Variants in LRRC4C observed in about 807,000 individuals in gnomAD.
LRRC4C encodes the protein leucine-rich repeat-containing protein 4C.
In LRRC4C, 5 loss-of-function variants were observed where a neutral mutation model predicts 33.6. The ratio of observed to expected loss-of-function variants is 0.15; its 90% CI spans 0.08 to 0.31. The LOEUF is 0.31. LRRC4C is among the 10% of genes least tolerant of loss of function. The probability of loss-of-function intolerance (pLI) is 1.00; values close to 1 mark genes in which losing one functional copy is unlikely to be tolerated. For missense variants in LRRC4C, 560 were observed against 796.7 expected, an observed-to-expected ratio of 0.70 and a Z score of 3.58; for synonymous variants, 329 against 302.0, an observed-to-expected ratio of 1.09 and a Z score of -0.93.
intron 1 of LRRC4C, among the ~76,000 whole-genome samples, chr11:41,267,616 T>A (rs1412593651): frequency 2.0e-5 from 3 of 152,158 alleles, no homozygotes; most frequent in African/African-American, 7.2e-5. Flanking sequence ...AAAGTCTTCT[T>A]GAATAATTTT....
intron 1 of LRRC4C, among the ~76,000 whole-genome samples, chr11:41,194,991 C>G (rs771533316): frequency 3.3e-5 from 5 of 151,864 alleles, no homozygotes; most frequent in Non-Finnish European, 5.9e-5. Context: ...TTGCAGAGCC[C>G]ACCAAAGTGG....
chr11:40,839,743 A>T (rs1952831466), intron 2 of LRRC4C, among the ~76,000 whole-genome samples: 1 of 152,240 alleles, frequency 6.6e-6, no homozygotes, highest in African/African-American at 2.4e-5. Context: ...GTTAAACGCT[A>T]AGGCAGTGAC....
intron 2 of LRRC4C, among the ~76,000 whole-genome samples, chr11:40,686,121 G>T (rs1944940802): frequency 6.6e-6 from 1 of 152,006 alleles, no homozygotes; most frequent in South Asian, 2.1e-4. Flanking sequence ...AGACTTTGGG[G>T]TTTGAATTCC....
At chr11:40,641,226 T>G (rs1311741705) in intron 3 of LRRC4C, among the ~76,000 whole-genome samples, 1 of 152,082 alleles carries the variant, frequency 6.6e-6, no homozygotes, top group Non-Finnish European at 1.5e-5. Flanking sequence ...CGTTTTAAGT[T>G]TAGAGTTCTA....
At chr11:41,009,095 T>C (rs1854979380) in intron 1 of LRRC4C, among the ~76,000 whole-genome samples, 1 of 152,070 alleles carries the variant, frequency 6.6e-6, no homozygotes, top group Admixed American at 6.6e-5. Context: ...AGAGAAGAAT[T>C]CTTTTTAAAT....
chr11:40,628,485 C>CAAAACAAAA (rs1269313011), intron 3 of LRRC4C, among the ~76,000 whole-genome samples: 1 of 151,540 alleles, frequency 6.6e-6, no homozygotes, highest in Non-Finnish European at 1.5e-5. Flanking sequence ...CTCAAAAAAA[C>CAAAACAAAA]AAAACAAAAC....
chr11:40,558,714 A>G (rs1429845868), intron 3 of LRRC4C, among the ~76,000 whole-genome samples: 6 of 152,152 alleles, frequency 3.9e-5, no homozygotes, highest in Admixed American at 3.3e-4. Context: ...AAACTTTTAT[A>G]TTAGGTTTGG....
intron 1 of LRRC4C, among the ~76,000 whole-genome samples, chr11:41,067,860 G>A (rs1274981494): frequency 6.6e-6 from 1 of 152,092 alleles, no homozygotes; most frequent in East Asian, 1.9e-4. Flanking sequence ...AAACCAATGA[G>A]AACAGAGAGA....
intron 1 of LRRC4C, among the ~76,000 whole-genome samples, chr11:41,029,028 C>T (rs1461425466): frequency 6.6e-6 from 1 of 151,686 alleles, no homozygotes; most frequent in African/African-American, 2.4e-5. Flanking sequence ...ATGAAATACA[C>T]TGCCAGAAAT....
At chr11:41,232,747 GACACACAC>G (rs34632647) in intron 1 of LRRC4C, among the ~76,000 whole-genome samples, 5,696 of 143,610 alleles carry the variant, frequency 0.04, 148 homozygotes, top group African/African-American at 0.073. Flanking sequence ...GTGTTATCAA[GACACACAC>G]ACACACACAC....
At chr11:41,315,822 T>C (rs1950769835) in intron 1 of LRRC4C, among the ~76,000 whole-genome samples, 1 of 152,230 alleles carries the variant, frequency 6.6e-6, no homozygotes, top group African/African-American at 2.4e-5. Context: ...AGATAATATC[T>C]GTATACATAG....
chr11:41,303,917 G>A (rs1204315802), intron 1 of LRRC4C, among the ~76,000 whole-genome samples: 1 of 87,306 alleles, frequency 1.1e-5, no homozygotes, highest in Non-Finnish European at 2.5e-5. Context: ...GAAGTGAGGA[G>A]CCTCTCCGCC....
chr11:41,409,778 G>C (rs1457153093), intron 1 of LRRC4C, among the ~76,000 whole-genome samples: 1 of 152,132 alleles, frequency 6.6e-6, no homozygotes, highest in Non-Finnish European at 1.5e-5. Flanking sequence ...ACCTGTCAAT[G>C]AAAGCTGATT....
intron 4 of LRRC4C, among the ~76,000 whole-genome samples, chr11:40,302,736 A>G (rs1944834493): frequency 6.6e-6 from 1 of 152,192 alleles, no homozygotes; most frequent in Admixed American, 6.5e-5. Context: ...TGACTTAGCA[A>G]TGCTTTAGTA....
intron 4 of LRRC4C, among the ~76,000 whole-genome samples, chr11:40,264,125 T>C (rs1470422611): frequency 1.3e-5 from 2 of 152,176 alleles, no homozygotes; most frequent in East Asian, 3.9e-4. Flanking sequence ...GCTTGGCACA[T>C]AGTAAGTGCT....
At chr11:41,190,415 G>A (rs1945889752) in intron 1 of LRRC4C, among the ~76,000 whole-genome samples, 1 of 152,174 alleles carries the variant, frequency 6.6e-6, no homozygotes, top group Non-Finnish European at 1.5e-5. Context: ...AGCATTTGCA[G>A]GAAGAACACT....
At chr11:40,803,593 TTTAATTTTTAATTAA>T (rs1271164442) in intron 2 of LRRC4C, among the ~76,000 whole-genome samples, 2 of 152,174 alleles carry the variant, frequency 1.3e-5, no homozygotes, top group African/African-American at 4.8e-5. Context: ...TTTTTTAATA[TTTAATTTTTAATTAA>T]TTAATGAATT....
intron 3 of LRRC4C, among the ~76,000 whole-genome samples, chr11:40,347,450 G>A (rs566114891): frequency 1.4e-4 from 21 of 152,004 alleles, no homozygotes; most frequent in Non-Finnish European, 2.4e-4. Flanking sequence ...TCATGTGTTC[G>A]CTGAAGTCTC....
At chr11:40,146,143 G>T (rs957380075) in intron 5 of LRRC4C, among the ~76,000 whole-genome samples, 15 of 152,110 alleles carry the variant, frequency 9.9e-5, no homozygotes, top group Non-Finnish European at 1.9e-4. Flanking sequence ...CTTAAATGTG[G>T]CATTTATCTT....
Sources: gnomAD v4.1 joint callset for allele counts (sites outside exome capture counted in the v4.1 genomes callset) on GRCh38, gnomAD v4.1.1 for gene constraint, MANE v1.5 for transcripts, NCBI Gene and HGNC (gene_info 2026-07-23, HGNC 2026-07-21) for gene names.